Variants in DOCK3 observed in about 807,000 individuals in gnomAD.
DOCK3 encodes dedicator of cytokinesis protein 3.
A neutral mutation model predicts 265.6 loss-of-function variants in DOCK3; 60 were observed. The ratio of observed to expected loss-of-function variants is 0.23; its 90% CI spans 0.18 to 0.28. DOCK3 has a LOEUF of 0.28. Ranked by LOEUF, DOCK3 falls within the 10% of genes least tolerant of loss-of-function variation. The pLI, the probability that DOCK3 is intolerant of heterozygous loss-of-function variation, is 1.00. For missense variants in DOCK3, 1,981 were observed against 2,594.3 expected (o/e 0.76, Z 5.14); for synonymous variants, 881 against 938.0 (o/e 0.94, Z 1.11).
chr3:50,676,776 C>T (rs1043411817), intron 1 of DOCK3, among the ~76,000 whole-genome samples: 5 of 152,148 alleles, frequency 3.3e-5, no homozygotes, highest in Non-Finnish European at 7.3e-5. Flanking sequence ...AGAGTCCTAG[C>T]TTCTCTTTAC....
At chr3:50,900,897 T>TGAGGTGTCTGTCGCTCCCTGTTGG (rs2049155755) in intron 4 of DOCK3, 1 of 431,504 alleles carries the variant, frequency 2.3e-6, no homozygotes, top group African/African-American at 2.1e-5. Context: ...CTCTCCTGTA[T>TGAGGTGTCTGTCGCTCCCTGTTGG]GAGGTGTCTG....
intron 5 of DOCK3, among the ~76,000 whole-genome samples, chr3:50,981,814 C>A (rs899486283): frequency 6.6e-6 from 1 of 151,658 alleles, no homozygotes; most frequent in African/African-American, 2.4e-5. Flanking sequence ...TTTTTTCATC[C>A]CGTTACTTTC....
At chr3:50,860,928 T>C (rs1365492325) in intron 3 of DOCK3, among the ~76,000 whole-genome samples, 1 of 152,210 alleles carries the variant, frequency 6.6e-6, no homozygotes, top group African/African-American at 2.4e-5. Flanking sequence ...CACTTTGCTG[T>C]AGCTCTAGTT....
At chr3:51,256,232 C>T (rs1467572446) in intron 22 of DOCK3, among the ~76,000 whole-genome samples, 1 of 152,200 alleles carries the variant, frequency 6.6e-6, no homozygotes, top group African/African-American at 2.4e-5. Context: ...GAGCTGTAGA[C>T]TGGAGCTGTT....
In DOCK3 at chr3:51,374,661, G is replaced by T. The variant is rs2087950718; in HGVS notation, c.5412+74G>T. On this transcript the variant is annotated intron_variant, in intron 50 of 52. Transcript: ENST00000266037. The surrounding 1 kb of genome is among the most constrained non-coding windows in gnomAD (Gnocchi z 4.8). ...TGTGCTTCCCTCCTTGCATTTGCGG[G>T]GCCTTCTGCATTGTCCTACATGGCT... 7.2e-7 allele frequency: 1 copy of T among 1,394,464 alleles called. No individual in the cohort carries two copies. The highest frequency in any genetic ancestry group is 1.4e-5 in the African/African-American group (1 of 69,904). The allele number at this position is 1,394,464 out of a possible 1,614,324, so 86.4% of individuals were successfully genotyped here.
chr3:51,184,634 T>C (rs1439125436), intron 12 of DOCK3, among the ~76,000 whole-genome samples: 1 of 151,568 alleles, frequency 6.6e-6, no homozygotes, highest in Non-Finnish European at 1.5e-5. Flanking sequence ...ATGGAATAAA[T>C]AACTGAGGGA....
intron 1 of DOCK3, among the ~76,000 whole-genome samples, chr3:50,757,108 T>A (rs1181025188): frequency 1.3e-5 from 2 of 151,864 alleles, no homozygotes; most frequent in Non-Finnish European, 2.9e-5. Context: ...CTGCCTTGGC[T>A]TCACAAAGTG....
chr3:50,846,213 C>T (rs892285158), intron 3 of DOCK3, among the ~76,000 whole-genome samples: 1 of 152,120 alleles, frequency 6.6e-6, no homozygotes, highest in African/African-American at 2.4e-5. Context: ...CCAAGGAGAA[C>T]ATTTTTTAAA....
At chr3:50,889,694 TACATG>T (rs1559774940) in intron 3 of DOCK3, among the ~76,000 whole-genome samples, 1 of 152,074 alleles carries the variant, frequency 6.6e-6, no homozygotes. Flanking sequence ...GTTTTGGAGA[TACATG>T]ACAAGTTCTG....
intron 10 of DOCK3, among the ~76,000 whole-genome samples, chr3:51,149,270 T>G (rs543063446): frequency 6.9e-4 from 105 of 152,302 alleles, no homozygotes; most frequent in African/African-American, 2.5e-3. Flanking sequence ...AAATATACAA[T>G]CATGTCATCT....
At chr3:50,787,086 A>G (rs1443767833) in intron 2 of DOCK3, 5 of 727,226 alleles carry the variant, frequency 6.9e-6, no homozygotes, top group Admixed American at 3.6e-5. Context: ...TGAAGGATCC[A>G]GTTTCTTGAA....
chr3:51,086,975 A>G (rs1024434203), intron 7 of DOCK3, among the ~76,000 whole-genome samples: 1 of 152,202 alleles, frequency 6.6e-6, no homozygotes, highest in African/African-American at 2.4e-5. Context: ...AGATCAAATC[A>G]GTAATAAAAA....
chr3:50,837,839 G>A (rs1359289846), intron 2 of DOCK3, among the ~76,000 whole-genome samples: 3 of 152,178 alleles, frequency 2.0e-5, no homozygotes, highest in Non-Finnish European at 4.4e-5. Context: ...AGGTGCTGAG[G>A]CGGGAGCCTG....
At chr3:51,098,342 A>C (rs1403218871) in intron 9 of DOCK3, among the ~76,000 whole-genome samples, 2 of 152,230 alleles carry the variant, frequency 1.3e-5, no homozygotes, top group African/African-American at 4.8e-5. Context: ...GGTGTGAGCC[A>C]CTGTGCCTGG....
chr3:51,105,854 C>G (rs569874901), intron 9 of DOCK3, among the ~76,000 whole-genome samples: 1 of 152,258 alleles, frequency 6.6e-6, no homozygotes, highest in Admixed American at 6.5e-5. Context: ...TACCATGCAC[C>G]AGGATTCATT....
At chr3:50,694,948 C>G (rs1158674687) in intron 1 of DOCK3, among the ~76,000 whole-genome samples, 3 of 152,202 alleles carry the variant, frequency 2.0e-5, no homozygotes, top group Non-Finnish European at 4.4e-5. Flanking sequence ...GGATAGCTTT[C>G]TTTTTCCCTT....
At chr3:50,952,684 A>G (rs72937294) in intron 5 of DOCK3, among the ~76,000 whole-genome samples, 48 of 152,284 alleles carry the variant, frequency 3.2e-4, no homozygotes, top group African/African-American at 1.0e-3. Context: ...ATAAGGCACA[A>G]TACCAGTTTA....
At chr3:50,691,085 A>G (rs1446170173) in intron 1 of DOCK3, among the ~76,000 whole-genome samples, 4 of 151,724 alleles carry the variant, frequency 2.6e-5, no homozygotes, top group African/African-American at 4.8e-5. Context: ...GATCGAGACC[A>G]TCCTGGCTAA....
chr3:50,862,602 C>T (rs1178146730), intron 3 of DOCK3, among the ~76,000 whole-genome samples: 1 of 152,180 alleles, frequency 6.6e-6, no homozygotes, highest in Non-Finnish European at 1.5e-5. Context: ...GACTTTGTTG[C>T]AGGACTCATG....
Sources: gnomAD v4.1 joint callset for allele counts (sites outside exome capture counted in the v4.1 genomes callset) on GRCh38, gnomAD v4.1.1 for gene constraint, Gnocchi (gnomAD v3.1) non-coding constraint, MANE v1.5 for transcripts, NCBI Gene and HGNC (gene_info 2026-07-23, HGNC 2026-07-21) for gene names.